The following EFNA5 variants were observed in gnomAD, a reference collection of about 807,000 sequenced individuals.
EFNA5 encodes ephrin A5.
In EFNA5, 5 loss-of-function variants were observed where a neutral mutation model predicts 22.9. The observed-to-expected ratio is 0.22, with a 90% CI of 0.11 to 0.46. The LOEUF is 0.46. Among genes scored for constraint, EFNA5 ranks in the 20% least tolerant of loss-of-function variants. The probability of loss-of-function intolerance (pLI) is 0.99; values close to 1 mark genes in which losing one functional copy is unlikely to be tolerated. For synonymous variants in EFNA5, 113 were observed against 112.2 expected (o/e 1.01, Z -0.04); for missense variants, 237 against 293.3 (o/e 0.81, Z 1.40).
chr5:107,503,295 T>C (rs2112427435), intron 1 of EFNA5, among the ~76,000 whole-genome samples: 1 of 152,342 alleles, frequency 6.6e-6, no homozygotes, highest in Non-Finnish European at 1.5e-5. Flanking sequence ...GTTTTGAATA[T>C]GTTTTGCCCA....
chr5:107,587,605 C>T (rs1165103952), intron 1 of EFNA5, among the ~76,000 whole-genome samples: 1 of 152,184 alleles, frequency 6.6e-6, no homozygotes, highest in Non-Finnish European at 1.5e-5. Flanking sequence ...CAAGCTCCGC[C>T]TCCCGGGTTC....
intron 1 of EFNA5, among the ~76,000 whole-genome samples, chr5:107,489,031 C>T (rs1746726526): frequency 6.6e-6 from 1 of 152,052 alleles, no homozygotes; most frequent in Admixed American, 6.6e-5. Flanking sequence ...AAGCCTGTAC[C>T]TGAGGGATTC....
At chr5:107,542,557 G>A (rs367580878) in intron 1 of EFNA5, among the ~76,000 whole-genome samples, 3 of 151,972 alleles carry the variant, frequency 2.0e-5, no homozygotes, top group Non-Finnish European at 4.4e-5. Flanking sequence ...TGGTATAAGG[G>A]GGGGGTGCGG....
rs764282955 is a variant in EFNA5 at position 107,562,053 on chromosome 5, C to T, written c.125+108436G>A. Reference sequence around the variant, plus strand: ...GTCAGGCTGACCATGAGGAAAGAAACGGTCATGTGGATTCAACTGCTGAAT... The same window carrying T: ...GTCAGGCTGACCATGAGGAAAGAAATGGTCATGTGGATTCAACTGCTGAAT... On this transcript the variant is annotated intron_variant, in intron 1 of 4. Coordinates refer to ENST00000333274, the MANE Select transcript of EFNA5 (RefSeq NM_001962.3). 2.6e-5 allele frequency among the ~76,000 whole-genome samples: 4 copies of T among 152,302 alleles called. No homozygotes were observed. The East Asian group carries it at 5.8e-4, about 22-fold the overall frequency.
intron 1 of EFNA5, among the ~76,000 whole-genome samples, chr5:107,443,823 C>T (rs1249448545): frequency 1.3e-5 from 2 of 152,206 alleles, no homozygotes; most frequent in South Asian, 2.1e-4. Context: ...CACATGTATA[C>T]GTATGTAACA....
rs76280653 is a variant in EFNA5 at position 107,634,529 on chromosome 5, G to C, written c.125+35960C>G. 8.4e-3 allele frequency among the ~76,000 whole-genome samples: 1,231 copies of C among 147,336 alleles called. 169 individuals are homozygous for C. The highest frequency in any genetic ancestry group is 0.073 in the Middle Eastern group (21 of 288). On this transcript the variant is annotated intron_variant, in intron 1 of 4. Transcript: ENST00000333274. Reference sequence around the variant, plus strand: ...GATCCTCTCACAAAAAAAGAAGAAAGTTCACAACAAAGAGGAAACTTTCAT... The same window carrying C: ...GATCCTCTCACAAAAAAAGAAGAAACTTCACAACAAAGAGGAAACTTTCAT...
chr5:107,568,747 G>T (rs1032756380), intron 1 of EFNA5, among the ~76,000 whole-genome samples: 9 of 152,176 alleles, frequency 5.9e-5, no homozygotes, highest in African/African-American at 2.2e-4. Flanking sequence ...TTTGAGCCTT[G>T]TGATGAAATC....
At chr5:107,563,216 T>G (rs1376797396) in intron 1 of EFNA5, among the ~76,000 whole-genome samples, 2 of 152,154 alleles carry the variant, frequency 1.3e-5, no homozygotes, top group African/African-American at 4.8e-5. Flanking sequence ...ATTTGCTATT[T>G]TTGAATAATT....
chr5:107,386,034 T>C (rs992874639), intron 4 of EFNA5, among the ~76,000 whole-genome samples: 2 of 149,382 alleles, frequency 1.3e-5, no homozygotes, highest in African/African-American at 4.9e-5. Context: ...CAGCATTTAC[T>C]CAGGGTAAGT....
At chr5:107,458,279 GCTATGTATCAC>G (rs1265832351) in intron 1 of EFNA5, among the ~76,000 whole-genome samples, 1 of 152,060 alleles carries the variant, frequency 6.6e-6, no homozygotes, top group Non-Finnish European at 1.5e-5. Flanking sequence ...TTAACTATGT[GCTATGTATCAC>G]CTTGGACTGT....
At position 107,439,022 on chromosome 5, in the gene EFNA5, T is replaced by C. The variant is rs183955350; in HGVS notation, c.126-11513A>G. On this transcript the variant is annotated intron_variant, in intron 1 of 4. Transcript: ENST00000333274. The stretch of plus-strand genomic sequence containing the variant: ...GGTATGGCTCTCTATTTTAGGATTT[T>C]TTTTCTCTTATTATTTTAGCAGTGT... Among the ~76,000 whole-genome samples the C allele has an allele frequency of 1.1e-3, 173 of 152,280 alleles. 1 individual carries two copies. The highest frequency in any genetic ancestry group is 3.3e-3 in the African/African-American group (137 of 41,548).
At chr5:107,545,096 C>G (rs1748119256) in intron 1 of EFNA5, among the ~76,000 whole-genome samples, 1 of 152,200 alleles carries the variant, frequency 6.6e-6, no homozygotes, top group African/African-American at 2.4e-5. Flanking sequence ...CGTCTAAAGC[C>G]CTGTCTATAT....
At chr5:107,559,308 CTCT>C (rs1305884565) in intron 1 of EFNA5, among the ~76,000 whole-genome samples, 3 of 152,330 alleles carry the variant, frequency 2.0e-5, no homozygotes, top group African/African-American at 7.2e-5. Context: ...TTCGTTGTGA[CTCT>C]TCTTCTTAAA....
chr5:107,441,458 T>C (rs1274887896), intron 1 of EFNA5, among the ~76,000 whole-genome samples: 1 of 152,172 alleles, frequency 6.6e-6, no homozygotes, highest in African/African-American at 2.4e-5. Flanking sequence ...GTGTAGGCAG[T>C]GAAGCTGTGC....
chr5:107,404,956 T>C (rs1748170417), intron 2 of EFNA5, among the ~76,000 whole-genome samples: 1 of 152,230 alleles, frequency 6.6e-6, no homozygotes, highest in South Asian at 2.1e-4. Flanking sequence ...AAAAGCCTTT[T>C]AATATTATAT....
intron 1 of EFNA5, among the ~76,000 whole-genome samples, chr5:107,530,897 A>G (rs1580515121): frequency 6.6e-6 from 1 of 152,186 alleles, no homozygotes; most frequent in Admixed American, 6.5e-5. Context: ...TACCTGGGAC[A>G]TTGCCTCTCC....
intron 1 of EFNA5, among the ~76,000 whole-genome samples, chr5:107,585,895 G>A (rs1353197136): frequency 6.6e-6 from 1 of 152,128 alleles, no homozygotes; most frequent in Non-Finnish European, 1.5e-5. Context: ...ATTACATTTT[G>A]GGGACAGTTT....
intron 2 of EFNA5, among the ~76,000 whole-genome samples, chr5:107,395,536 A>G (rs1223537225): frequency 1.3e-5 from 2 of 152,218 alleles, no homozygotes; most frequent in Non-Finnish European, 2.9e-5. Context: ...AGTTTCTTAT[A>G]TATTTTACTA....
Position 107,549,200 on chromosome 5 carries a change from T to C in EFNA5, c.125+121289A>G, listed in dbSNP as rs150026008. Among the ~76,000 whole-genome samples, 475 of 152,338 alleles carry C rather than the reference T, an allele frequency of 3.1e-3. 1 individual carries two copies. The highest frequency in any genetic ancestry group is 5.4e-3 in the Non-Finnish European group (364 of 68,026). ...CCCAAATTGTAATTGATTTACATGA[T>C]AGTTTTTCCAGAATGCTTTATTTTT... On this transcript the variant is annotated intron_variant, in intron 1 of 4. Coordinates refer to ENST00000333274, the MANE Select transcript of EFNA5 (RefSeq NM_001962.3).
Sources: gnomAD v4.1 joint callset for allele counts (sites outside exome capture counted in the v4.1 genomes callset) on GRCh38, gnomAD v4.1.1 for gene constraint, MANE v1.5 for transcripts, NCBI Gene and HGNC (gene_info 2026-07-23, HGNC 2026-07-21) for gene names.